The following EPHA3 variants were observed in gnomAD, a reference collection of about 807,000 sequenced individuals.
The protein encoded by EPHA3 is EPH receptor A3, also known as ephrin type-A receptor 3.
A neutral mutation model predicts 107.1 loss-of-function variants in EPHA3; 42 were observed. The ratio of observed to expected loss-of-function variants is 0.39; its 90% CI spans 0.31 to 0.51. The LOEUF (loss-of-function observed/expected upper bound fraction) is 0.51, where lower values mean the gene tolerates loss of function less well. EPHA3 is among the 20% of genes least tolerant of loss of function. EPHA3 has a pLI of 0.78. For missense variants in EPHA3, 1,183 were observed against 1,211.2 expected (o/e 0.98, Z 0.35); for synonymous variants, 461 against 424.8 (o/e 1.09, Z -1.05).
chr3:89,139,727 AG>A (rs1262762095), intron 2 of EPHA3, among the ~76,000 whole-genome samples: 5 of 151,892 alleles, frequency 3.3e-5, no homozygotes, highest in Admixed American at 6.6e-5. Flanking sequence ...AGGCTCAAGT[AG>A]GCTTAGTGAC....
chr3:89,309,439 G>A (rs1012523044), intron 3 of EPHA3, among the ~76,000 whole-genome samples: 1 of 152,110 alleles, frequency 6.6e-6, no homozygotes, highest in Non-Finnish European at 1.5e-5. Flanking sequence ...TAACATGTGA[G>A]AAGTAGAGAG....
intron 14 of EPHA3, 51 bp downstream of exon 14, chr3:89,449,425 G>C (rs1278171995): frequency 1.7e-5 from 24 of 1,443,718 alleles, no homozygotes; most frequent in Non-Finnish European, 2.1e-5. Flanking sequence ...AGATCAAGCT[G>C]TGCAAGGAAG....
intron 2 of EPHA3, among the ~76,000 whole-genome samples, chr3:89,160,767 C>T (rs1704918514): frequency 1.3e-5 from 2 of 151,942 alleles, no homozygotes; most frequent in Admixed American, 1.3e-4. Flanking sequence ...ATAGGAAATC[C>T]ATCAGCAAAA....
At chr3:89,323,536 T>C (rs1178189247) in intron 3 of EPHA3, among the ~76,000 whole-genome samples, 1 of 152,120 alleles carries the variant, frequency 6.6e-6, no homozygotes, top group Non-Finnish European at 1.5e-5. Context: ...TTTTTGTTGG[T>C]ATGATCATAA....
chr3:89,132,565 T>A (rs1057422681), intron 2 of EPHA3, among the ~76,000 whole-genome samples: 2 of 152,150 alleles, frequency 1.3e-5, no homozygotes, highest in African/African-American at 2.4e-5. Flanking sequence ...TATTATATAA[T>A]CAGATGTAAG....
chr3:89,314,256 T>A (rs1389441327), intron 3 of EPHA3, among the ~76,000 whole-genome samples: 1 of 151,928 alleles, frequency 6.6e-6, no homozygotes, highest in Non-Finnish European at 1.5e-5. Flanking sequence ...TTTGCCCCTA[T>A]ATAAAAGCTA....
At position 89,443,019 on chromosome 3, in the gene EPHA3, T is replaced by C. The variant is rs570173387; in HGVS notation, c.2347-6206T>C. Among the ~76,000 whole-genome samples, 4 of 152,336 alleles carry C rather than the reference T, an allele frequency of 2.6e-5. No individual in the cohort carries two copies. In the South Asian group the frequency reaches 8.3e-4, roughly 32 times the overall value. On this transcript the variant is annotated intron_variant, in intron 13 of 16. Coordinates refer to ENST00000336596, the MANE Select transcript of EPHA3 (RefSeq NM_005233.6). ...ATCATGGAGTAAAATCATACATAGA[T>C]GTATATCTCTAGAAGATAAATATAT...
chr3:89,213,251 C>T (rs1704148740), intron 3 of EPHA3, among the ~76,000 whole-genome samples: 1 of 151,886 alleles, frequency 6.6e-6, no homozygotes, highest in Non-Finnish European at 1.5e-5. Flanking sequence ...AGGGGAGACA[C>T]CAGAAATGTC....
At chr3:89,223,602 T>G (rs1285853552) in intron 3 of EPHA3, among the ~76,000 whole-genome samples, 5 of 152,166 alleles carry the variant, frequency 3.3e-5, no homozygotes, top group Non-Finnish European at 5.9e-5. Context: ...GCAGGGTTGG[T>G]GGGATTATGT....
intron 12 of EPHA3, among the ~76,000 whole-genome samples, chr3:89,429,547 C>T (rs933927895): frequency 2.0e-5 from 3 of 152,096 alleles, no homozygotes; most frequent in Non-Finnish European, 4.4e-5. Context: ...TGATATAAGA[C>T]AGCCCATCTA....
chr3:89,212,644 T>A (rs1704131156), intron 3 of EPHA3, among the ~76,000 whole-genome samples: 1 of 151,954 alleles, frequency 6.6e-6, no homozygotes, highest in South Asian at 2.1e-4. Flanking sequence ...TGTTATCTGT[T>A]TTGGTTTAGT....
chr3:89,389,963 C>G (rs974017749), intron 5 of EPHA3, among the ~76,000 whole-genome samples: 1 of 152,142 alleles, frequency 6.6e-6, no homozygotes, highest in African/African-American at 2.4e-5. Flanking sequence ...AAGTTCTTCT[C>G]TACTTCTCGG....
At chr3:89,450,424 C>A (rs2107555709) in intron 15 of EPHA3, 54 bp downstream of exon 15, 2 of 1,548,016 alleles carry the variant, frequency 1.3e-6, no homozygotes, top group Non-Finnish European at 1.8e-6. Flanking sequence ...TGTTTGCTAT[C>A]TCCAAGATGT....
At chr3:89,356,972 T>C (rs1027146121) in intron 5 of EPHA3, among the ~76,000 whole-genome samples, 2 of 148,410 alleles carry the variant, frequency 1.3e-5, no homozygotes, top group African/African-American at 2.5e-5. Flanking sequence ...GTGTGGTCGT[T>C]GGTTGTGCAT....
chr3:89,196,579 A>T (rs892339426), intron 2 of EPHA3, among the ~76,000 whole-genome samples: 1 of 148,274 alleles, frequency 6.7e-6, no homozygotes, highest in Non-Finnish European at 1.5e-5. Context: ...GTCCAAACTC[A>T]GTTGGAATTT....
intron 15 of EPHA3, among the ~76,000 whole-genome samples, chr3:89,453,260 A>G (rs1710030381): frequency 6.6e-6 from 1 of 151,934 alleles, no homozygotes; most frequent in Admixed American, 6.5e-5. Context: ...AACCATTTTC[A>G]AAGCTAACTC....
At chr3:89,149,517 G>A (rs1024057980) in intron 2 of EPHA3, among the ~76,000 whole-genome samples, 1 of 151,480 alleles carries the variant, frequency 6.6e-6, no homozygotes, top group Non-Finnish European at 1.5e-5. Flanking sequence ...TAAGTTTTAG[G>A]GTACATGTGC....
intron 3 of EPHA3, among the ~76,000 whole-genome samples, chr3:89,274,510 T>C (rs1309330739): frequency 6.6e-6 from 1 of 152,002 alleles, no homozygotes; most frequent in South Asian, 2.1e-4. Flanking sequence ...TGTTAAATTC[T>C]TACATTTTCT....
At chr3:89,399,734 T>C (rs76175571) in intron 7 of EPHA3, 1 of 1,053,884 alleles carries the variant, frequency 9.5e-7, no homozygotes, top group South Asian at 4.2e-5. Context: ...CTGTTTTTTT[T>C]TTTTAGCCAT....
Sources: allele counts gnomAD v4.1 joint callset (sites outside exome capture counted in the v4.1 genomes callset), GRCh38; gene constraint gnomAD v4.1.1; transcripts MANE v1.5; gene names NCBI Gene and HGNC (gene_info 2026-07-23, HGNC 2026-07-21).